NUDT4: variants seen among roughly 807,000 people sequenced by gnomAD.
The protein encoded by NUDT4 is diphosphoinositol polyphosphate phosphohydrolase 2.
NUDT4 carries 5 observed loss-of-function variants against 23.1 expected under a neutral mutation model. That is an observed-to-expected ratio of 0.22 (90% CI 0.11 to 0.46). The LOEUF is 0.46. Among genes scored for constraint, NUDT4 ranks in the 20% least tolerant of loss-of-function variants. The probability of loss-of-function intolerance (pLI) is 0.99; values close to 1 mark genes in which losing one functional copy is unlikely to be tolerated. For missense variants in NUDT4, 96 were observed against 211.6 expected, an observed-to-expected ratio of 0.45 and a Z score of 3.39; for synonymous variants, 50 against 79.0, an observed-to-expected ratio of 0.63 and a Z score of 1.95.
At chr12:93,389,631 G>A (rs927577520) in intron 1 of NUDT4, among the ~76,000 whole-genome samples, 5 of 152,098 alleles carry the variant, frequency 3.3e-5, no homozygotes, top group East Asian at 1.9e-4. Flanking sequence ...GACCGGGCGC[G>A]GTGGCTGACA....
At position 93,394,702 on chromosome 12, in the gene NUDT4, A is replaced by C. The variant is rs1876805070; in HGVS notation, c.193A>C (p.Arg65=). Reference sequence around the variant, plus strand: ...GGAGGAACCTGGCGGTGCTGCCGTGAGGGAAGTTTATGAGGAGGTGAGATG... The same window carrying C: ...GGAGGAACCTGGCGGTGCTGCCGTGCGGGAAGTTTATGAGGAGGTGAGATG... The part of the protein sequence containing the change: ...PEEEPGGAAV[R]EVYEEAGVKG... The change falls in exon 2 of 5, where the codon AGG becomes CGG. Residue 65 remains arginine, a synonymous_variant. Transcript: ENST00000415493. The C allele has an allele frequency of 1.3e-6, 2 of 1,548,890 alleles. No individual in the cohort carries two copies. Among genetic ancestry groups the C allele is most frequent in the Middle Eastern group, 3.3e-4 (2 of 5,972 alleles).
Position 93,400,464 on chromosome 12 carries a change from T to G in NUDT4, c.*1085T>G, listed in dbSNP as rs1404192589. ...TCGAGGCACTGGAACATACCTGAACTAAGAATTAAATCTTTTACTTTATAC... is the reference window on the plus strand; with the variant it reads ...TCGAGGCACTGGAACATACCTGAACGAAGAATTAAATCTTTTACTTTATAC... On this transcript the variant is annotated 3_prime_UTR_variant, in exon 5 of 5. Transcript: ENST00000415493. The G allele has an allele frequency of 2.0e-5, 3 of 152,354 alleles. No homozygotes were observed. Among genetic ancestry groups the G allele is most frequent in the Non-Finnish European group, 4.4e-5 (3 of 68,088 alleles). 9.4% of individuals were successfully genotyped at this position (152,354 alleles called of 1,614,324 possible).
intron 1 of NUDT4, among the ~76,000 whole-genome samples, chr12:93,382,813 C>A (rs1325592972): frequency 6.6e-6 from 1 of 151,956 alleles, no homozygotes; most frequent in Non-Finnish European, 1.5e-5. Context: ...AGGCAGCCGC[C>A]ACCATACCTG....
chr12:93,382,532 A>AT (rs921440075), intron 1 of NUDT4, among the ~76,000 whole-genome samples: 2 of 152,160 alleles, frequency 1.3e-5, no homozygotes, highest in African/African-American at 4.8e-5. Context: ...CTCAACTAGC[A>AT]TTTTTATACT....
In NUDT4 at chr12:93,378,239, C is replaced by A. The variant is rs1048261394; in HGVS notation, c.-84C>A. ...CGCTCCTGCGCCCGACTCGCCCTCGCCCCCACTCCCCGGCGGGGTGGCGGC... is the reference window on the plus strand; with the variant it reads ...CGCTCCTGCGCCCGACTCGCCCTCGACCCCACTCCCCGGCGGGGTGGCGGC... On this transcript the variant is annotated 5_prime_UTR_variant, in exon 1 of 5. Coordinates refer to ENST00000415493, the MANE Select transcript of NUDT4 (RefSeq NM_019094.6). 4 of 545,430 alleles carry A rather than the reference C, an allele frequency of 7.3e-6. No individual in the cohort carries two copies. In the South Asian group the frequency reaches 1.5e-4, roughly 20 times the overall value. 33.8% of individuals were successfully genotyped at this position (545,430 alleles called of 1,614,324 possible).
chr12:93,406,571 T>C lies in NUDT4; in HGVS notation c.*7192T>C, dbSNP rs185484229. On this transcript the variant is annotated 3_prime_UTR_variant, in exon 5 of 5. Coordinates refer to ENST00000415493, the MANE Select transcript of NUDT4 (RefSeq NM_019094.6). Reference sequence around the variant, plus strand: ...TAGTTGGCCCTCCATATCCATGGGTTCCACTTCCGTGGATTCAAACAACCA... The same window carrying C: ...TAGTTGGCCCTCCATATCCATGGGTCCCACTTCCGTGGATTCAAACAACCA... The C allele has an allele frequency of 5.9e-5, 9 of 152,378 alleles. No individual in the cohort carries two copies. The highest frequency in any genetic ancestry group is 5.8e-4 in the East Asian group (3 of 5,184). The allele number at this position is 152,378 out of a possible 1,614,324, so 9.4% of individuals were successfully genotyped here.
intron 1 of NUDT4, among the ~76,000 whole-genome samples, chr12:93,390,146 G>A (rs1178788752): frequency 6.6e-6 from 1 of 152,100 alleles, no homozygotes; most frequent in Non-Finnish European, 1.5e-5. Context: ...CTTTTCAGGC[G>A]GCTAGCCACC....
rs569870932 is a variant in NUDT4, at chr12:93,407,068, A to C, written c.*7689A>C. ...CCACTATGTTAGCCAGGCTGGTCAC[A>C]AACTCCTGGACTCAAGTGATCCTCC... On this transcript the variant is annotated 3_prime_UTR_variant, in exon 5 of 5. Coordinates refer to ENST00000415493, the MANE Select transcript of NUDT4 (RefSeq NM_019094.6). The C allele has an allele frequency of 1.4e-4, 21 of 152,374 alleles. No individual in the cohort carries two copies. Among genetic ancestry groups the C allele is most frequent in the African/African-American group, 4.8e-4 (20 of 41,578 alleles). The allele number at this position is 152,374 out of a possible 1,614,324, so 9.4% of individuals were successfully genotyped here. A position where few individuals can be genotyped will look rare whatever the true frequency, so the allele number is the denominator to read the frequency against.
intron 3 of NUDT4, among the ~76,000 whole-genome samples, chr12:93,397,161 T>A (rs1876994964): frequency 2.0e-5 from 3 of 152,180 alleles, no homozygotes. Flanking sequence ...AAGGGAAAAT[T>A]GGATTGCCCT....
At chr12:93,388,861 A>C (rs1032308641) in intron 1 of NUDT4, among the ~76,000 whole-genome samples, 1 of 152,202 alleles carries the variant, frequency 6.6e-6, no homozygotes, top group Non-Finnish European at 1.5e-5. Flanking sequence ...AATTTTATTT[A>C]ATCTTAAATT....
intron 1 of NUDT4, among the ~76,000 whole-genome samples, chr12:93,384,414 A>G (rs953578444): frequency 6.6e-6 from 1 of 151,958 alleles, no homozygotes; most frequent in Non-Finnish European, 1.5e-5. Flanking sequence ...TGATCTGCCC[A>G]CCTCAGCCTC....
chr12:93,395,394 A>G (rs1378068006), intron 2 of NUDT4, 95 bp from the exon 3 acceptor site: 5 of 864,728 alleles, frequency 5.8e-6, no homozygotes, highest in Non-Finnish European at 7.7e-6. Context: ...TATTGTATTT[A>G]ATTAGATTTA....
At position 93,407,812 on chromosome 12, in the gene NUDT4, T is replaced by G. The variant is rs1252890543; in HGVS notation, c.*8433T>G. 6.6e-6 allele frequency: 1 copy of G among 152,218 alleles called. No individual in the cohort carries two copies. The highest frequency in any genetic ancestry group is 2.4e-5 in the African/African-American group (1 of 41,450). The allele number at this position is 152,218 out of a possible 1,614,324, so 9.4% of individuals were successfully genotyped here. A position where few individuals can be genotyped will look rare whatever the true frequency, so the allele number is the denominator to read the frequency against. On this transcript the variant is annotated 3_prime_UTR_variant, in exon 5 of 5. Coordinates refer to ENST00000415493, the MANE Select transcript of NUDT4 (RefSeq NM_019094.6). ...CTGCCTTGGCCTCTCCCAGAGCCCC[T>G]TAAGTCCTAAGAAGGCTCAGTCAAC...
At chr12:93,391,661 C>T (rs1004050592) in intron 1 of NUDT4, among the ~76,000 whole-genome samples, 9 of 152,034 alleles carry the variant, frequency 5.9e-5, no homozygotes, top group South Asian at 2.1e-4. Context: ...CACTTGAGCC[C>T]GGGAAGTGAA....
In NUDT4 at chr12:93,400,046, A is replaced by G. The variant is rs1462201897; in HGVS notation, c.*667A>G. ...TTATAACTCAATAGTACCTTAACAC[A>G]AAGTATAACTCTGTAGAGTTGGTGA... On this transcript the variant is annotated 3_prime_UTR_variant, in exon 5 of 5. Transcript: ENST00000415493. 8.4e-5 allele frequency: 10 copies of G among 118,650 alleles called. No homozygotes were observed. Among genetic ancestry groups the G allele is most frequent in the African/African-American group, 3.0e-4 (8 of 27,108 alleles). 7.3% of individuals were successfully genotyped at this position (118,650 alleles called of 1,614,324 possible). A position where few individuals can be genotyped will look rare whatever the true frequency, so the allele number is the denominator to read the frequency against.
At position 93,406,942 on chromosome 12, in the gene NUDT4, A is replaced by G. The variant is rs1877856651; in HGVS notation, c.*7563A>G. The G allele has an allele frequency of 6.6e-6, 1 of 152,230 alleles. No individual in the cohort carries two copies. Among genetic ancestry groups the G allele is most frequent in the Non-Finnish European group, 1.5e-5 (1 of 68,048 alleles). The allele number at this position is 152,230 out of a possible 1,614,324, so 9.4% of individuals were successfully genotyped here. The stretch of plus-strand genomic sequence containing the variant: ...GCAGAAGCAAATCGCAGCGAAGTAG[A>G]CTACAACAATCAAGTCAAAAAACAT... On this transcript the variant is annotated 3_prime_UTR_variant, in exon 5 of 5. Coordinates refer to ENST00000415493, the MANE Select transcript of NUDT4 (RefSeq NM_019094.6).
intron 1 of NUDT4, among the ~76,000 whole-genome samples, chr12:93,387,508 A>G (rs375168019): frequency 6.6e-6 from 1 of 152,176 alleles, no homozygotes; most frequent in African/African-American, 2.4e-5. Flanking sequence ...GGAAAGAGAA[A>G]TGGTCATATA....
intron 1 of NUDT4, among the ~76,000 whole-genome samples, chr12:93,393,544 G>A (rs1876713098): frequency 6.6e-6 from 1 of 152,132 alleles, no homozygotes; most frequent in Non-Finnish European, 1.5e-5. Context: ...AAAACAACCA[G>A]ACAATATGTA....
chr12:93,383,144 C>T (rs950263344), intron 1 of NUDT4, among the ~76,000 whole-genome samples: 18 of 151,768 alleles, frequency 1.2e-4, no homozygotes, highest in East Asian at 3.9e-4. Flanking sequence ...GCTTATACCC[C>T]GTCACTTTAA....
Sources: allele counts gnomAD v4.1 joint callset (sites outside exome capture counted in the v4.1 genomes callset), GRCh38; gene constraint gnomAD v4.1.1; transcripts MANE v1.5; gene names NCBI Gene and HGNC (gene_info 2026-07-23, HGNC 2026-07-21).